SLC35F1: variants seen among roughly 807,000 people sequenced by gnomAD.
SLC35F1 encodes the protein chromosome 6 open reading frame 169.
SLC35F1 carries 14 observed loss-of-function variants against 48.7 expected under a neutral mutation model. The observed-to-expected ratio is 0.29, with a 90% confidence interval of 0.19 to 0.45. The LOEUF (loss-of-function observed/expected upper bound fraction) is 0.45, where lower values mean the gene tolerates loss of function less well. SLC35F1 is among the 20% of genes least tolerant of loss of function. The pLI, the probability that SLC35F1 is intolerant of heterozygous loss-of-function variation, is 1.00. For synonymous variants in SLC35F1, 190 were observed against 202.2 expected (o/e 0.94, Z 0.51); for missense variants, 404 against 500.0 (o/e 0.81, Z 1.83).
At chr6:118,009,470 T>G (rs1211674673) in intron 1 of SLC35F1, among the ~76,000 whole-genome samples, 1 of 152,140 alleles carries the variant, frequency 6.6e-6, no homozygotes, top group Non-Finnish European at 1.5e-5. Flanking sequence ...GAAATCTAAG[T>G]AGAACTGTTT....
At chr6:117,954,248 G>GT (rs1042409057) in intron 1 of SLC35F1, among the ~76,000 whole-genome samples, 3 of 151,684 alleles carry the variant, frequency 2.0e-5, no homozygotes, top group Non-Finnish European at 2.9e-5. Flanking sequence ...ACAAGAGTTT[G>GT]TTTTTTTTCT....
rs139951243 is a variant in SLC35F1, at chr6:118,082,036, T to G, written c.174-72409T>G. ...TTCTGATGATCAGCTTAATCCATTT[T>G]CTTTCTTTAAAGAAGATATTTGTCT... On this transcript the variant is annotated intron_variant, in intron 1 of 7. Coordinates refer to ENST00000360388, the MANE Select transcript of SLC35F1 (RefSeq NM_001029858.4). Among the ~76,000 whole-genome samples the G allele has an allele frequency of 8.7e-3, 1,327 of 152,362 alleles. 19 individuals carry two copies. The highest frequency in any genetic ancestry group is 0.03 in the African/African-American group (1,256 of 41,584).
chr6:118,209,299 C>T (rs1774974471), intron 2 of SLC35F1, among the ~76,000 whole-genome samples: 1 of 152,260 alleles, frequency 6.6e-6, no homozygotes, highest in African/African-American at 2.4e-5. Context: ...TCTTGTCAGC[C>T]TGTCTTTTGG....
intron 1 of SLC35F1, among the ~76,000 whole-genome samples, chr6:118,036,832 AT>A (rs1267946859): frequency 1.8e-4 from 27 of 152,192 alleles, no homozygotes; most frequent in Admixed American, 3.3e-4. Flanking sequence ...ATATGCTGGG[AT>A]TACAGGTGTA....
intron 1 of SLC35F1, among the ~76,000 whole-genome samples, chr6:118,119,593 T>G (rs1773526826): frequency 6.8e-6 from 1 of 147,540 alleles, no homozygotes; most frequent in Admixed American, 7.0e-5. Context: ...AACCTCTGCC[T>G]TCTGGGTTCA....
Position 118,189,869 on chromosome 6 carries a change from GC to G in SLC35F1, c.349+35250del, listed in dbSNP as rs201138468. On this transcript the variant is annotated intron_variant, in intron 2 of 7. Transcript: ENST00000360388. ...AAACAGCCAGATTAGTCACAGGTTG[GC>G]ATTTGCCTTATTTGAACACAGTTTG... is the stretch of plus-strand genomic sequence containing the variant. 6.8e-4 allele frequency among the ~76,000 whole-genome samples: 104 copies of G among 152,316 alleles called. 2 individuals carry two copies. In the East Asian group the frequency reaches 0.019, roughly 29 times the overall value.
chr6:118,125,917 A>G (rs1451139655), intron 1 of SLC35F1, among the ~76,000 whole-genome samples: 2 of 152,190 alleles, frequency 1.3e-5, no homozygotes, highest in African/African-American at 4.8e-5. Flanking sequence ...TTGCCCGTGG[A>G]TAATCGCTGT....
intron 2 of SLC35F1, among the ~76,000 whole-genome samples, chr6:118,163,332 G>A (rs1461346947): frequency 6.6e-6 from 1 of 151,866 alleles, no homozygotes; most frequent in African/African-American, 2.4e-5. Flanking sequence ...TACAATAAAT[G>A]ACTTATAGAT....
intron 1 of SLC35F1, among the ~76,000 whole-genome samples, chr6:118,001,589 A>C (rs1294612451): frequency 1.3e-5 from 2 of 151,864 alleles, no homozygotes; most frequent in South Asian, 4.1e-4. Flanking sequence ...CAAAAGCCAA[A>C]ATTGACAAAT....
intron 1 of SLC35F1, among the ~76,000 whole-genome samples, chr6:118,124,987 A>T (rs1292274639): frequency 6.6e-6 from 1 of 152,180 alleles, no homozygotes; most frequent in Non-Finnish European, 1.5e-5. Flanking sequence ...GGAGCCATGG[A>T]CAAAAGAAAT....
intron 3 of SLC35F1, among the ~76,000 whole-genome samples, chr6:118,261,902 C>G (rs1775717203): frequency 6.6e-6 from 1 of 152,256 alleles, no homozygotes; most frequent in South Asian, 2.1e-4. Context: ...TAAGGGGAGA[C>G]AGCCCCCTAA....
At chr6:118,135,380 T>C (rs1773778771) in intron 1 of SLC35F1, among the ~76,000 whole-genome samples, 1 of 152,224 alleles carries the variant, frequency 6.6e-6, no homozygotes, top group South Asian at 2.1e-4. Flanking sequence ...GCTACTTGGA[T>C]TCTATATTAT....
chr6:118,017,277 A>T (rs1189697523), intron 1 of SLC35F1, among the ~76,000 whole-genome samples: 1 of 152,190 alleles, frequency 6.6e-6, no homozygotes, highest in East Asian at 1.9e-4. Flanking sequence ...GGGGTGTGGA[A>T]TAAGGGGCAA....
intron 3 of SLC35F1, among the ~76,000 whole-genome samples, chr6:118,258,227 AACAGTAG>A (rs1244458383): frequency 6.6e-6 from 1 of 152,156 alleles, no homozygotes; most frequent in East Asian, 1.9e-4. Flanking sequence ...CAGAAAAGCT[AACAGTAG>A]GCTAAAGTCT....
In SLC35F1 at chr6:117,957,410, T is replaced by C. The variant is rs144321481; in HGVS notation, c.173+49511T>C. Reference sequence around the variant, plus strand: ...AAACATTGTAATGGTACTGAATATGTATAAGAATTTTCAGAATAGTTTCTA... The same window carrying C: ...AAACATTGTAATGGTACTGAATATGCATAAGAATTTTCAGAATAGTTTCTA... On this transcript the variant is annotated intron_variant, in intron 1 of 7. Transcript: ENST00000360388. Among the ~76,000 whole-genome samples the C allele has an allele frequency of 3.3e-5, 5 of 152,172 alleles. No homozygotes were observed. In the East Asian group the frequency reaches 9.7e-4, roughly 29 times the overall value.
At chr6:118,248,368 ACT>A (rs1423289323) in intron 3 of SLC35F1, among the ~76,000 whole-genome samples, 1 of 152,120 alleles carries the variant, frequency 6.6e-6, no homozygotes, top group Non-Finnish European at 1.5e-5. Flanking sequence ...AGCAAAAAAG[ACT>A]CTGTGGATGT....
chr6:118,017,767 G>T (rs1777341429), intron 1 of SLC35F1, among the ~76,000 whole-genome samples: 1 of 152,146 alleles, frequency 6.6e-6, no homozygotes, highest in Non-Finnish European at 1.5e-5. Flanking sequence ...GAGAGAGACT[G>T]GACTGTAGTG....
chr6:118,311,528 G>T (rs985015816), intron 7 of SLC35F1, among the ~76,000 whole-genome samples: 1 of 152,210 alleles, frequency 6.6e-6, no homozygotes, highest in Non-Finnish European at 1.5e-5. Flanking sequence ...GATGGCCCAC[G>T]CCTGTAATCC....
At chr6:117,999,710 A>T (rs1436837288) in intron 1 of SLC35F1, among the ~76,000 whole-genome samples, 1 of 152,082 alleles carries the variant, frequency 6.6e-6, no homozygotes, top group African/African-American at 2.4e-5. Context: ...AGCAAGACTA[A>T]TAAAGAAGAA....
Sources: gnomAD v4.1 joint callset for allele counts (sites outside exome capture counted in the v4.1 genomes callset) on GRCh38, gnomAD v4.1.1 for gene constraint, MANE v1.5 for transcripts, NCBI Gene and HGNC (gene_info 2026-07-23, HGNC 2026-07-21) for gene names.